Variants in ADARB2 observed in about 807,000 individuals in gnomAD.
The protein encoded by ADARB2 is adenosine deaminase RNA specific B2 (inactive), also known as inactive double-stranded RNA-specific editase B2.
A neutral mutation model predicts 62.2 loss-of-function variants in ADARB2; 25 were observed. That is an observed-to-expected ratio of 0.40 (90% CI 0.29 to 0.56). The LOEUF is 0.56. Ranked by LOEUF, ADARB2 falls within the 20% of genes least tolerant of loss-of-function variation. The pLI, the probability that ADARB2 is intolerant of heterozygous loss-of-function variation, is 0.43. For missense variants in ADARB2, 1,071 were observed against 1,077.4 expected, an observed-to-expected ratio of 0.99 and a Z score of 0.08; for synonymous variants, 572 against 500.8, an observed-to-expected ratio of 1.14 and a Z score of -1.90.
At chr10:1,276,422 G>T (rs1165275777) in intron 3 of ADARB2, among the ~76,000 whole-genome samples, 1 of 152,108 alleles carries the variant, frequency 6.6e-6, no homozygotes, top group East Asian at 1.9e-4. Context: ...TTTGTCAGAT[G>T]AGTAGATTGC....
intron 1 of ADARB2, among the ~76,000 whole-genome samples, chr10:1,648,190 T>C (rs1834069606): frequency 6.6e-6 from 1 of 152,240 alleles, no homozygotes; most frequent in African/African-American, 2.4e-5. Context: ...TGCAGGTGAT[T>C]ACATGAAGTT....
intron 4 of ADARB2, among the ~76,000 whole-genome samples, chr10:1,245,838 C>T (rs11250358): frequency 0.37 from 55,646 of 150,834 alleles, 10,499 homozygotes; most frequent in South Asian, 0.52. Flanking sequence ...TTTATAATCC[C>T]TTGGGTATAT....
intron 1 of ADARB2, among the ~76,000 whole-genome samples, chr10:1,446,146 G>A (rs1830966256): frequency 1.3e-5 from 2 of 152,230 alleles, no homozygotes; most frequent in African/African-American, 2.4e-5. Context: ...AAATAAGGTT[G>A]TGTTTTTGTT....
chr10:1,526,737 C>T (rs571373441), intron 1 of ADARB2: 6 of 378,842 alleles, frequency 1.6e-5, no homozygotes, highest in South Asian at 1.2e-4. Context: ...CTCGGGTGTT[C>T]CTTTCTAGCA....
intron 3 of ADARB2, among the ~76,000 whole-genome samples, chr10:1,289,840 C>G (rs1446197809): frequency 6.6e-6 from 1 of 152,240 alleles, no homozygotes; most frequent in Non-Finnish European, 1.5e-5. Flanking sequence ...CAGGGAGGGG[C>G]AGGTAGGCGT....
At chr10:1,285,479 G>A (rs1033943704) in intron 3 of ADARB2, among the ~76,000 whole-genome samples, 4 of 152,190 alleles carry the variant, frequency 2.6e-5, no homozygotes, top group African/African-American at 9.7e-5. Flanking sequence ...AATGGGCACC[G>A]GCTGCACGTT....
chr10:1,516,539 T>C (rs1342182575), intron 1 of ADARB2, among the ~76,000 whole-genome samples: 1 of 151,476 alleles, frequency 6.6e-6, no homozygotes, highest in African/African-American at 2.4e-5. Context: ...TGGGCTGCTC[T>C]GCTCTGTGCG....
Position 1,327,070 on chromosome 10 carries a change from C to T in ADARB2, c.1077+35958G>A, listed in dbSNP as rs192317441. ...CGCCTCCCCACTGCCCAGCGCCTCC[C>T]CACTGCACAGCGCCTCCTCACTGCA... On this transcript the variant is annotated intron_variant, in intron 3 of 9. Coordinates refer to ENST00000381312, the MANE Select transcript of ADARB2 (RefSeq NM_018702.4). Among the ~76,000 whole-genome samples, 375 of 40,956 alleles carry T rather than the reference C, an allele frequency of 9.2e-3. 21 individuals carry two copies. The highest frequency in any genetic ancestry group is 0.012 in the Non-Finnish European group (213 of 18,438). 26.9% of individuals were successfully genotyped at this position (40,956 alleles called of 152,430 possible). A position where few individuals can be genotyped will look rare whatever the true frequency, so the allele number is the denominator to read the frequency against.
chr10:1,340,975 A>G (rs1194555420), intron 3 of ADARB2, among the ~76,000 whole-genome samples: 1 of 114,194 alleles, frequency 8.8e-6, no homozygotes, highest in Non-Finnish European at 1.8e-5. Context: ...ACATGCCCCA[A>G]AGCAGTGATA....
chr10:1,606,972 T>C (rs541501516), intron 1 of ADARB2, among the ~76,000 whole-genome samples: 1 of 152,308 alleles, frequency 6.6e-6, no homozygotes, highest in South Asian at 2.1e-4. Context: ...GAATGAAGAA[T>C]TCCACCATCT....
intron 1 of ADARB2, among the ~76,000 whole-genome samples, chr10:1,420,106 G>A (rs534725775): frequency 7.2e-5 from 11 of 152,322 alleles, no homozygotes; most frequent in South Asian, 2.1e-4. Context: ...AATTAAGCAG[G>A]AACATTCGGT....
At chr10:1,304,879 G>A (rs1831611377) in intron 3 of ADARB2, among the ~76,000 whole-genome samples, 1 of 146,088 alleles carries the variant, frequency 6.8e-6, no homozygotes, top group Non-Finnish European at 1.5e-5. Context: ...TCAAAGCAGT[G>A]TGTAGAGGGA....
At chr10:1,267,162 C>T (rs1009292062) in intron 4 of ADARB2, among the ~76,000 whole-genome samples, 1 of 151,598 alleles carries the variant, frequency 6.6e-6, no homozygotes, top group African/African-American at 2.4e-5. Context: ...ACCTTTCCCC[C>T]TCCCGGGTAG....
intron 8 of ADARB2, among the ~76,000 whole-genome samples, chr10:1,187,567 G>A (rs1360670322): frequency 6.6e-6 from 1 of 152,270 alleles, no homozygotes; most frequent in African/African-American, 2.4e-5. Flanking sequence ...GCTCCGGCCT[G>A]TGCCCCTCTC....
At chr10:1,602,949 TAC>T (rs1305745610) in intron 1 of ADARB2, among the ~76,000 whole-genome samples, 1 of 141,266 alleles carries the variant, frequency 7.1e-6, no homozygotes, top group Non-Finnish European at 1.6e-5. Flanking sequence ...CGCACACCTG[TAC>T]ACACATGCAC....
At chr10:1,559,201 C>T (rs967370159) in intron 1 of ADARB2, among the ~76,000 whole-genome samples, 5 of 152,230 alleles carry the variant, frequency 3.3e-5, no homozygotes, top group African/African-American at 1.2e-4. Context: ...ACCCAGGACT[C>T]TGCTGCTTTT....
intron 1 of ADARB2, among the ~76,000 whole-genome samples, chr10:1,546,906 G>T (rs757591349): frequency 2.6e-5 from 4 of 152,270 alleles, no homozygotes; most frequent in Non-Finnish European, 5.9e-5. Flanking sequence ...AGGCAGGGCT[G>T]CCAGGAAGGG....
intron 1 of ADARB2, among the ~76,000 whole-genome samples, chr10:1,543,636 A>G (rs1028232307): frequency 1.3e-5 from 2 of 152,348 alleles, no homozygotes; most frequent in African/African-American, 4.8e-5. Context: ...ATCAGAGGAA[A>G]GATAAATTGT....
chr10:1,517,911 C>G (rs1245186403), intron 1 of ADARB2, among the ~76,000 whole-genome samples: 1 of 152,150 alleles, frequency 6.6e-6, no homozygotes, highest in African/African-American at 2.4e-5. Context: ...CAGCTCAGCC[C>G]CAAAGCACGG....
Sources: allele counts gnomAD v4.1 joint callset (sites outside exome capture counted in the v4.1 genomes callset), GRCh38; gene constraint gnomAD v4.1.1; transcripts MANE v1.5; gene names NCBI Gene and HGNC (gene_info 2026-07-23, HGNC 2026-07-21).